The following ANKS1B variants were observed in gnomAD, a reference collection of about 807,000 sequenced individuals.
The protein encoded by ANKS1B is ankyrin repeat and sterile alpha motif domain-containing protein 1B.
A neutral mutation model predicts 148.3 loss-of-function variants in ANKS1B; 36 were observed. That is an observed-to-expected ratio of 0.24 (90% CI 0.19 to 0.32). The LOEUF (loss-of-function observed/expected upper bound fraction) is 0.32, where lower values mean the gene tolerates loss of function less well. ANKS1B is among the 10% of genes least tolerant of loss of function. The pLI, the probability that ANKS1B is intolerant of heterozygous loss-of-function variation, is 1.00. For synonymous variants in ANKS1B, 542 were observed against 560.8 expected, an observed-to-expected ratio of 0.97 and a Z score of 0.47; for missense variants, 1,157 against 1,542.6, an observed-to-expected ratio of 0.75 and a Z score of 4.19.
chr12:99,421,207 T>C (rs2095070081), intron 11 of ANKS1B, among the ~76,000 whole-genome samples: 1 of 152,192 alleles, frequency 6.6e-6, no homozygotes, highest in African/African-American at 2.4e-5. Flanking sequence ...AGTTAAATCA[T>C]AAGGCAGCCC....
At position 99,984,256 on chromosome 12, in the gene ANKS1B, CCA is replaced by C. The variant is rs2095750530; in HGVS notation, c.-21_-20del. On this transcript the variant is annotated 5_prime_UTR_variant, in exon 1 of 27. Transcript: ENST00000683438. The stretch of plus-strand genomic sequence containing the variant: ...TCCCCATAGTCTCTCACCGACTCCC[CCA>C]CAGAGTCCTTGCCCCCCTCGGGTCC... The C allele has an allele frequency of 2.5e-6, 4 of 1,608,532 alleles. No individual in the cohort carries two copies. The highest frequency in any genetic ancestry group is 1.1e-5 in the South Asian group (1 of 90,400).
At chr12:98,836,267 T>C (rs756331778) in intron 17 of ANKS1B, among the ~76,000 whole-genome samples, 4 of 152,198 alleles carry the variant, frequency 2.6e-5, no homozygotes, top group Admixed American at 2.6e-4. Context: ...TCTGAAAACA[T>C]TAAAATAATT....
At position 99,373,548 on chromosome 12, in the gene ANKS1B, T is replaced by C. The variant is rs375582523; in HGVS notation, c.1756+26083A>G. On this transcript the variant is annotated intron_variant, in intron 12 of 26. Coordinates refer to ENST00000683438, the MANE Select transcript of ANKS1B (RefSeq NM_001352186.2). ...ACTTCATGGGATATGAATCTTTAAC[T>C]GAACAACACAAAGGCTGAAATTTTT... Among the ~76,000 whole-genome samples, 90 of 152,286 alleles carry C rather than the reference T, an allele frequency of 5.9e-4. 2 individuals are homozygous for C. The South Asian group carries it at 0.018, about 31-fold the overall frequency.
chr12:99,539,053 G>T (rs7304580), intron 9 of ANKS1B, among the ~76,000 whole-genome samples: 1 of 151,990 alleles, frequency 6.6e-6, no homozygotes, highest in African/African-American at 2.4e-5. Context: ...ATTTGTGTAC[G>T]TTGAATCATC....
intron 1 of ANKS1B, among the ~76,000 whole-genome samples, chr12:99,902,930 T>TTGTTGTTGC (rs2153773450): frequency 6.6e-6 from 1 of 151,730 alleles, no homozygotes; most frequent in African/African-American, 2.4e-5. Context: ...GTTGTTGTTG[T>TTGTTGTTGC]TGTTGCTGTT....
chr12:99,067,834 AAATGTTTCC>A (rs2044873496), intron 16 of ANKS1B, among the ~76,000 whole-genome samples: 1 of 151,924 alleles, frequency 6.6e-6, no homozygotes, highest in East Asian at 1.9e-4. Context: ...ATCTTTAGGA[AAATGTTTCC>A]AGCCTCATAG....
chr12:99,104,874 C>G (rs1246474478), intron 15 of ANKS1B: 1 of 152,246 alleles, frequency 6.6e-6, no homozygotes, highest in East Asian at 1.9e-4. Context: ...TCCACAGAAT[C>G]ACCTACTTAT....
chr12:99,485,077 A>C (rs904313914), intron 10 of ANKS1B, among the ~76,000 whole-genome samples: 3 of 151,830 alleles, frequency 2.0e-5, no homozygotes, highest in Admixed American at 1.3e-4. Flanking sequence ...ATTTTTACTT[A>C]GTTTTTTTCA....
intron 17 of ANKS1B, among the ~76,000 whole-genome samples, chr12:98,853,834 G>A (rs1399780946): frequency 6.6e-6 from 1 of 152,222 alleles, no homozygotes; most frequent in Non-Finnish European, 1.5e-5. Context: ...CTGGCATGTG[G>A]TAGGCATTCA....
chr12:99,415,177 T>C (rs1317415426), intron 11 of ANKS1B, among the ~76,000 whole-genome samples: 1 of 152,164 alleles, frequency 6.6e-6, no homozygotes, highest in Non-Finnish European at 1.5e-5. Context: ...AGCATGAAAA[T>C]AGTCACAACT....
chr12:99,911,805 G>C (rs2094013654), intron 1 of ANKS1B, among the ~76,000 whole-genome samples: 1 of 152,082 alleles, frequency 6.6e-6, no homozygotes, highest in African/African-American at 2.4e-5. Flanking sequence ...TAACATTTCT[G>C]TAAATATTTC....
At chr12:99,339,240 T>A (rs751041129) in intron 12 of ANKS1B, among the ~76,000 whole-genome samples, 22 of 152,188 alleles carry the variant, frequency 1.4e-4, no homozygotes, top group Admixed American at 2.0e-4. Context: ...CTAGGGATGC[T>A]CTAAGTGCTC....
chr12:99,495,918 C>G (rs1288912019), intron 10 of ANKS1B, among the ~76,000 whole-genome samples: 1 of 152,180 alleles, frequency 6.6e-6, no homozygotes, highest in East Asian at 1.9e-4. Flanking sequence ...CTACCTATTT[C>G]AGATGTTGCA....
intron 15 of ANKS1B, among the ~76,000 whole-genome samples, chr12:99,120,497 T>C (rs906491002): frequency 4.6e-5 from 7 of 152,242 alleles, no homozygotes; most frequent in Admixed American, 1.3e-4. Context: ...TATTGTTTCT[T>C]TGGGCCAGAA....
chr12:99,015,550 G>A (rs2099941955), intron 17 of ANKS1B, among the ~76,000 whole-genome samples: 1 of 152,154 alleles, frequency 6.6e-6, no homozygotes, highest in Non-Finnish European at 1.5e-5. Flanking sequence ...GCCAGATGTT[G>A]AAGGAAAATA....
intron 14 of ANKS1B, among the ~76,000 whole-genome samples, chr12:99,222,528 A>T (rs1446874441): frequency 6.6e-6 from 1 of 152,166 alleles, no homozygotes; most frequent in African/African-American, 2.4e-5. Context: ...AGATAGGAGG[A>T]TCCTTTGAGC....
At chr12:99,836,636 G>A (rs1004390977) in intron 1 of ANKS1B, among the ~76,000 whole-genome samples, 1 of 151,990 alleles carries the variant, frequency 6.6e-6, no homozygotes, top group African/African-American at 2.4e-5. Context: ...AAAAGAATTT[G>A]TAACCACACC....
chr12:99,711,259 T>C (rs1383900019), intron 8 of ANKS1B, among the ~76,000 whole-genome samples: 5 of 152,192 alleles, frequency 3.3e-5, no homozygotes. Flanking sequence ...TTTTATCTTT[T>C]TTTTAGTTTG....
chr12:98,997,117 T>C (rs1442201839), intron 17 of ANKS1B, among the ~76,000 whole-genome samples: 1 of 152,134 alleles, frequency 6.6e-6, no homozygotes, highest in Non-Finnish European at 1.5e-5. Flanking sequence ...CAAAAAACAC[T>C]ATAAAATTTT....
Sources: allele counts gnomAD v4.1 joint callset (sites outside exome capture counted in the v4.1 genomes callset), GRCh38; gene constraint gnomAD v4.1.1; transcripts MANE v1.5; gene names NCBI Gene and HGNC (gene_info 2026-07-23, HGNC 2026-07-21).